The following EIF2AK4 variants were observed in gnomAD, a reference collection of about 807,000 sequenced individuals.
EIF2AK4 encodes the protein eIF-2-alpha kinase GCN2.
EIF2AK4 carries 139 observed loss-of-function variants against 211.1 expected under a neutral mutation model. The observed-to-expected ratio is 0.66, with a 90% CI of 0.57 to 0.76. EIF2AK4 has a LOEUF of 0.76. Ranked by LOEUF, EIF2AK4 falls within the 30% of genes least tolerant of loss-of-function variation. EIF2AK4 has a pLI of 0.00. For synonymous variants in EIF2AK4, 710 were observed against 751.3 expected (o/e 0.94, Z 0.90); for missense variants, 1,664 against 2,043.8 (o/e 0.81, Z 3.58).
At position 39,949,263 on chromosome 15, in the gene EIF2AK4, CAGG is replaced by C; in HGVS notation, c.512_513+1del. ...GTTGGAGGCCAAGCGGAAAGAAGAG[CAGG>C]AGGTGAGATGCCCTTGTCGATGTCT... On this transcript the variant is annotated inframe_deletion and splice_region_variant, in exon 4 of 39. Coordinates refer to ENST00000263791, the MANE Select transcript of EIF2AK4 (RefSeq NM_001013703.4). 6.2e-7 allele frequency: 1 copy of C among 1,613,828 alleles called. No individual in the cohort carries two copies.
chr15:40,009,782 G>T, intron 26 of EIF2AK4, 52 bp downstream of exon 26: 1 of 1,220,802 alleles, frequency 8.2e-7, no homozygotes, highest in Non-Finnish European at 1.2e-6. Context: ...GATGTTGAAA[G>T]ATAATAATAA....
chr15:40,012,635 T>C (rs1170734957), intron 27 of EIF2AK4, among the ~76,000 whole-genome samples: 2 of 152,220 alleles, frequency 1.3e-5, no homozygotes, highest in Non-Finnish European at 2.9e-5. Context: ...AAAAGGTTAT[T>C]TGGACTAAAG....
chr15:40,024,181 G>A (rs549586582), intron 32 of EIF2AK4, among the ~76,000 whole-genome samples: 85 of 151,466 alleles, frequency 5.6e-4, no homozygotes, highest in Non-Finnish European at 1.1e-3. Flanking sequence ...TAGTGTTTAC[G>A]TCACTACCTT....
At chr15:39,970,608 G>A (rs886303047) in intron 9 of EIF2AK4, among the ~76,000 whole-genome samples, 3 of 151,996 alleles carry the variant, frequency 2.0e-5, no homozygotes, top group Admixed American at 1.3e-4. Flanking sequence ...GAAGAATAAT[G>A]TATATAAGAT....
chr15:39,983,642 T>C (rs1174873703), intron 13 of EIF2AK4, among the ~76,000 whole-genome samples: 2 of 152,204 alleles, frequency 1.3e-5, no homozygotes, highest in Non-Finnish European at 2.9e-5. Context: ...GGGTTTCTCC[T>C]TGTTGGTCAG....
chr15:39,961,786 G>A lies in EIF2AK4; in HGVS notation c.746G>A (p.Arg249Gln), dbSNP rs199737920. ...TATTGTTCAAATTTATTTTTAAGGC[G>A]AGAACGTCAGTATTCTGTATGTAAT... Reference protein sequence around the residue: ...HRANSSGRSRRERQYSVCNSE... With the variant: ...HRANSSGRSRQERQYSVCNSE... The change falls in exon 7 of 39, where the codon CGA becomes CAA. Residue 249 changes from arginine to glutamine, a missense_variant and splice_region_variant. This residue lies in a region of EIF2AK4 where 641 missense variants were observed against 729.6 expected (regional missense o/e 0.88). Transcript: ENST00000263791. The A allele has an allele frequency of 1.6e-5, 26 of 1,606,816 alleles. No individual in the cohort carries two copies. The highest frequency in any genetic ancestry group is 1.0e-5 in the Non-Finnish European group (12 of 1,177,112).
At chr15:39,939,723 C>T in intron 2 of EIF2AK4, 106 bp downstream of exon 2, 1 of 796,092 alleles carries the variant, frequency 1.3e-6, no homozygotes. Flanking sequence ...TCCCATTCCA[C>T]ATAAAATTTC....
At chr15:39,952,578 A>G (rs1222994670) in intron 4 of EIF2AK4, among the ~76,000 whole-genome samples, 1 of 152,050 alleles carries the variant, frequency 6.6e-6, no homozygotes, top group Non-Finnish European at 1.5e-5. Flanking sequence ...GCCCAGCACC[A>G]TTTGTATATC....
intron 11 of EIF2AK4, chr15:39,975,161 C>T (rs772125616): frequency 6.6e-6 from 1 of 152,120 alleles, no homozygotes; most frequent in Admixed American, 6.5e-5. Context: ...CTTTAAATCT[C>T]AGGACATTCT....
At position 40,005,707 on chromosome 15, in the gene EIF2AK4, G is replaced by A. The variant is rs550211828; in HGVS notation, c.3358-1309G>A. 4.6e-5 allele frequency among the ~76,000 whole-genome samples: 7 copies of A among 151,644 alleles called. No homozygotes were observed. The East Asian group carries it at 1.4e-3, about 30-fold the overall frequency. Reference sequence around the variant, plus strand: ...CTGCCTCACCCTCCCGAGTAGCTGGGACTGTAGGTGCCCGCTACCATGCCC... The same window carrying A: ...CTGCCTCACCCTCCCGAGTAGCTGGAACTGTAGGTGCCCGCTACCATGCCC... On this transcript the variant is annotated intron_variant, in intron 23 of 38. Coordinates refer to ENST00000263791, the MANE Select transcript of EIF2AK4 (RefSeq NM_001013703.4).
At chr15:39,959,320 C>A (rs146704645) in intron 6 of EIF2AK4, among the ~76,000 whole-genome samples, 2 of 152,170 alleles carry the variant, frequency 1.3e-5, no homozygotes, top group African/African-American at 4.8e-5. Flanking sequence ...GTATAAGCAT[C>A]CAATATATAT....
chr15:40,031,710 A>T (rs1324766454), intron 35 of EIF2AK4, among the ~76,000 whole-genome samples: 2 of 151,736 alleles, frequency 1.3e-5, no homozygotes, highest in African/African-American at 2.4e-5. Flanking sequence ...CCCCTTTCTG[A>T]GTGGATTAAG....
At chr15:39,953,400 G>A (rs1595545566) in intron 4 of EIF2AK4, among the ~76,000 whole-genome samples, 1 of 152,160 alleles carries the variant, frequency 6.6e-6, no homozygotes, top group African/African-American at 2.4e-5. Flanking sequence ...CATTGAGAAA[G>A]CTGATTAGAA....
At chr15:39,962,022 G>A in intron 7 of EIF2AK4, 123 bp downstream of exon 7, 1 of 646,544 alleles carries the variant, frequency 1.5e-6, no homozygotes. Context: ...CATCAAGCTG[G>A]TAGTCATTCT....
rs1181863323 is a variant in EIF2AK4, at chr15:40,025,977, G to GT, written c.4392dup (p.Lys1465Ter). ...ATAGATCCGTTTCATTCTTTTTAAG[G>GT]TTAAGTCTTTCGAGAAGGAAAGGCA... On this transcript the variant is annotated frameshift_variant and splice_region_variant, in exon 33 of 39. Coordinates refer to ENST00000263791, the MANE Select transcript of EIF2AK4 (RefSeq NM_001013703.4). LOFTEE classifies it high-confidence loss of function. 3.7e-5 allele frequency: 59 copies of GT among 1,613,698 alleles called. No homozygotes were observed. The highest frequency in any genetic ancestry group is 4.9e-5 in the Non-Finnish European group (58 of 1,179,866).
chr15:39,952,562 C>T (rs1306455746), intron 4 of EIF2AK4, among the ~76,000 whole-genome samples: 1 of 152,076 alleles, frequency 6.6e-6, no homozygotes, highest in Non-Finnish European at 1.5e-5. Context: ...AGGCATGAGC[C>T]ACCGTGCCCA....
In EIF2AK4 at chr15:39,976,682, TAGA is replaced by T. The variant is rs1250870878; in HGVS notation, c.2088_2090del (p.Glu697del). 3.7e-6 allele frequency: 6 copies of T among 1,602,168 alleles called. No individual in the cohort carries two copies. The highest frequency in any genetic ancestry group is 5.1e-6 in the Non-Finnish European group (6 of 1,177,526). On this transcript the variant is annotated inframe_deletion, in exon 12 of 39. Coordinates refer to ENST00000263791, the MANE Select transcript of EIF2AK4 (RefSeq NM_001013703.4). ...AGCGACACAGACGGCCTGGACAGCGTAGAGGCCGCCGCGCCGCCACCCATCCTC... is the reference window on the plus strand; with the variant it reads ...AGCGACACAGACGGCCTGGACAGCGTGGCCGCCGCGCCGCCACCCATCCTC...
intron 19 of EIF2AK4, 26 bp from the exon 20 acceptor site, chr15:39,998,705 T>G (rs781554294): frequency 6.2e-7 from 1 of 1,600,936 alleles, no homozygotes; most frequent in Non-Finnish European, 8.5e-7. Context: ...TGCCAAAACC[T>G]TGCTGATTTG....
intron 28 of EIF2AK4, 21 bp downstream of exon 28, chr15:40,016,693 T>C: frequency 1.2e-6 from 2 of 1,612,510 alleles, no homozygotes; most frequent in Non-Finnish European, 1.7e-6. Context: ...AGTTTGATAC[T>C]GGCAGTACAA....
Sources: gnomAD v4.1 joint callset for allele counts (sites outside exome capture counted in the v4.1 genomes callset) on GRCh38, gnomAD v4.1.1 for gene constraint, gnomAD v4.1.1 regional missense constraint, MANE v1.5 for transcripts, NCBI Gene and HGNC (gene_info 2026-07-23, HGNC 2026-07-21) for gene names.